The following ACOT13 variants were observed in gnomAD, a reference collection of about 807,000 sequenced individuals.
The protein encoded by ACOT13 is acyl-CoA thioesterase 13.
A neutral mutation model predicts 11.8 loss-of-function variants in ACOT13; 10 were observed. The observed-to-expected ratio is 0.85, with a 90% confidence interval of 0.53 to 1.44. The LOEUF (loss-of-function observed/expected upper bound fraction) is 1.44, where lower values mean the gene tolerates loss of function less well. ACOT13 is among the 40% of genes most tolerant of loss of function. The pLI, the probability that ACOT13 is intolerant of heterozygous loss-of-function variation, is 0.00. For missense variants in ACOT13, 172 were observed against 174.1 expected (o/e 0.99, Z 0.07); for synonymous variants, 53 against 61.0 (o/e 0.87, Z 0.61).
chr6:24,669,028 G>A (rs970255001), intron 1 of ACOT13, among the ~76,000 whole-genome samples: 1 of 152,166 alleles, frequency 6.6e-6, no homozygotes, highest in African/African-American at 2.4e-5. Context: ...CTCCAGATCC[G>A]ATTCTCCTGC....
intron 2 of ACOT13, among the ~76,000 whole-genome samples, chr6:24,698,799 G>C (rs1473443088): frequency 6.6e-6 from 1 of 151,910 alleles, no homozygotes; most frequent in African/African-American, 2.4e-5. Context: ...CACCATGCTG[G>C]GCTAATTTTT....
chr6:24,671,830 G>A (rs895831148), intron 1 of ACOT13, among the ~76,000 whole-genome samples: 15 of 152,110 alleles, frequency 9.9e-5, no homozygotes, highest in Admixed American at 2.6e-4. Context: ...TAATTTTAAC[G>A]TAACAATTAT....
intron 1 of ACOT13, among the ~76,000 whole-genome samples, chr6:24,689,528 T>C (rs1778689859): frequency 1.3e-5 from 2 of 152,158 alleles, no homozygotes; most frequent in Non-Finnish European, 2.9e-5. Flanking sequence ...AAATGAAAGC[T>C]GCCAAGTAAT....
chr6:24,687,831 C>A, intron 1 of ACOT13: 1 of 888,400 alleles, frequency 1.1e-6, no homozygotes, highest in Non-Finnish European at 1.6e-6. Flanking sequence ...CCTGCTTCAG[C>A]CTCCAGAGCA....
At chr6:24,681,794 G>A (rs956851157) in intron 1 of ACOT13, among the ~76,000 whole-genome samples, 1 of 152,168 alleles carries the variant, frequency 6.6e-6, no homozygotes, top group Admixed American at 6.5e-5. Context: ...ATGAAAGTGT[G>A]AACCATTAGT....
intron 2 of ACOT13, among the ~76,000 whole-genome samples, chr6:24,699,154 T>G (rs1329664901): frequency 6.6e-6 from 1 of 151,048 alleles, no homozygotes; most frequent in Non-Finnish European, 1.5e-5. Context: ...AACTGAGAGG[T>G]CAGGTTGAGA....
At chr6:24,681,261 T>G (rs1013220274) in intron 1 of ACOT13, among the ~76,000 whole-genome samples, 7 of 152,240 alleles carry the variant, frequency 4.6e-5, no homozygotes, top group African/African-American at 1.7e-4. Flanking sequence ...CTTTTCTACT[T>G]TTAGCAAAGC....
chr6:24,671,976 T>A (rs538351395), intron 1 of ACOT13, among the ~76,000 whole-genome samples: 2 of 152,360 alleles, frequency 1.3e-5, no homozygotes, highest in South Asian at 4.1e-4. Context: ...TTGACAATGC[T>A]TCCTGTGTAA....
intron 1 of ACOT13, among the ~76,000 whole-genome samples, chr6:24,687,965 A>G (rs1778659989): frequency 6.6e-6 from 1 of 151,924 alleles, no homozygotes. Flanking sequence ...CTCCTGCCTC[A>G]GCCTCCCAAA....
At position 24,684,838 on chromosome 6, in the gene ACOT13, C is replaced by A. The variant is rs1024330044; in HGVS notation, c.82-13045C>A. ...GACTAGCCTGGGCAACATAGCAAGA[C>A]CCCTTCTCTACAAAAAATTAAAAAT... On this transcript the variant is annotated intron_variant, in intron 1 of 2. Coordinates refer to ENST00000230048, the MANE Select transcript of ACOT13 (RefSeq NM_018473.4). Among the ~76,000 whole-genome samples the A allele has an allele frequency of 6.0e-4, 91 of 151,932 alleles. 1 individual carries two copies. The highest frequency in any genetic ancestry group is 2.0e-3 in the African/African-American group (83 of 41,326).
At chr6:24,690,899 A>G (rs1464573998) in intron 1 of ACOT13, among the ~76,000 whole-genome samples, 1 of 152,186 alleles carries the variant, frequency 6.6e-6, no homozygotes, top group African/African-American at 2.4e-5. Context: ...GACACCTGCT[A>G]TCTCTGAGAA....
rs1351502584 is a variant in ACOT13, at chr6:24,702,155, G to GGCT, written c.*542_*544dup. ...AAATGGAGTCTCGCTCTGTTGCCCA[G>GGCT]GCTGGAGTACAGCAGCACGATCTCG... On this transcript the variant is annotated 3_prime_UTR_variant, in exon 3 of 3. Transcript: ENST00000230048. 1.3e-5 allele frequency: 2 copies of GGCT among 152,558 alleles called. No individual in the cohort carries two copies. The highest frequency in any genetic ancestry group is 2.9e-5 in the Non-Finnish European group (2 of 68,364). 9.5% of individuals were successfully genotyped at this position (152,558 alleles called of 1,614,324 possible). A position where few individuals can be genotyped will look rare whatever the true frequency, so the allele number is the denominator to read the frequency against.
chr6:24,682,890 C>T (rs1196121832), intron 1 of ACOT13, among the ~76,000 whole-genome samples: 3 of 152,316 alleles, frequency 2.0e-5, no homozygotes, highest in Middle Eastern at 3.4e-3. Flanking sequence ...GTATCCCGAT[C>T]CTTGTCCCTC....
intron 1 of ACOT13, among the ~76,000 whole-genome samples, chr6:24,672,788 A>G (rs1409269542): frequency 6.6e-6 from 1 of 152,240 alleles, no homozygotes. Context: ...GACGTTAATC[A>G]TTAATTTATA....
intron 1 of ACOT13, among the ~76,000 whole-genome samples, chr6:24,688,369 T>G (rs1778667950): frequency 6.6e-6 from 1 of 151,400 alleles, no homozygotes; most frequent in African/African-American, 2.4e-5. Context: ...TGAGATCCCA[T>G]CTCTACAAAA....
intron 1 of ACOT13, among the ~76,000 whole-genome samples, chr6:24,679,097 A>G (rs1229780097): frequency 1.3e-5 from 2 of 152,222 alleles, no homozygotes; most frequent in Non-Finnish European, 1.5e-5. Flanking sequence ...TACTTGGACA[A>G]TCTTTTTTAA....
At chr6:24,687,980 T>C (rs1171342756) in intron 1 of ACOT13, among the ~76,000 whole-genome samples, 2 of 152,018 alleles carry the variant, frequency 1.3e-5, no homozygotes, top group African/African-American at 4.8e-5. Context: ...CCCAAAGTGC[T>C]AGGATTACAG....
At chr6:24,667,965 C>T (rs867215457) in intron 1 of ACOT13, among the ~76,000 whole-genome samples, 1 of 152,138 alleles carries the variant, frequency 6.6e-6, no homozygotes, top group African/African-American at 2.4e-5. Flanking sequence ...AGTGCAATGG[C>T]GCGATCTCGG....
At chr6:24,687,618 AT>A in intron 1 of ACOT13, 1 of 1,496,072 alleles carries the variant, frequency 6.7e-7, no homozygotes, top group South Asian at 1.3e-5. Context: ...AGCAGTAAAG[AT>A]TTAGGACTGA....
Sources: allele counts gnomAD v4.1 joint callset (sites outside exome capture counted in the v4.1 genomes callset), GRCh38; gene constraint gnomAD v4.1.1; transcripts MANE v1.5; gene names NCBI Gene and HGNC (gene_info 2026-07-23, HGNC 2026-07-21).